SPMIP2: variants seen among roughly 807,000 people sequenced by gnomAD.
The protein encoded by SPMIP2 is protein SPMIP2.
chr4:158,970,955 G>C, the SPMIP2 span, among the ~76,000 whole-genome samples: 1 of 152,134 alleles, frequency 6.6e-6, no homozygotes, highest in African/African-American at 2.4e-5. Context: ...CAATCTCAGA[G>C]ACAAAGAGGA....
chr4:159,062,697 G>GTCTCTCTCTTTCTCTCTCTCTCTCTC, the SPMIP2 span, among the ~76,000 whole-genome samples: 164 of 95,150 alleles, frequency 1.7e-3, 5 homozygotes, highest in African/African-American at 5.3e-3. Context: ...TTGAAACAGG[G>GTCTCTCTCTTTCTCTCTCTCTCTCTC]TCTCTCTCTC....
At chr4:159,080,076 TAGTG>T in the SPMIP2 span, among the ~76,000 whole-genome samples, 2 of 152,172 alleles carry the variant, frequency 1.3e-5, no homozygotes, top group Non-Finnish European at 2.9e-5. Context: ...ATGGGAATAA[TAGTG>T]AGAATCCCAG....
At chr4:158,897,599 TGAG>T in the SPMIP2 span, among the ~76,000 whole-genome samples, 1 of 152,260 alleles carries the variant, frequency 6.6e-6, no homozygotes, top group East Asian at 1.9e-4. Flanking sequence ...CCAGTGATGA[TGAG>T]CTTTTTTTCA....
the SPMIP2 span, among the ~76,000 whole-genome samples, chr4:159,066,785 A>G: frequency 6.6e-6 from 1 of 151,926 alleles, no homozygotes; most frequent in Non-Finnish European, 1.5e-5. Flanking sequence ...AATTTATACC[A>G]GGGGTTGGCA....
At chr4:158,977,958 C>T in the SPMIP2 span, among the ~76,000 whole-genome samples, 1 of 152,092 alleles carries the variant, frequency 6.6e-6, no homozygotes, top group Non-Finnish European at 1.5e-5. Flanking sequence ...TTGTCTTCTG[C>T]TAGCTTTTGA....
chr4:158,982,063 G>T, the SPMIP2 span, among the ~76,000 whole-genome samples: 1 of 151,916 alleles, frequency 6.6e-6, no homozygotes, highest in Non-Finnish European at 1.5e-5. Flanking sequence ...AAAAAGCAGG[G>T]GTTGCAATCC....
chr4:158,926,360 A>G, the SPMIP2 span, among the ~76,000 whole-genome samples: 1 of 151,916 alleles, frequency 6.6e-6, no homozygotes, highest in Non-Finnish European at 1.5e-5. Flanking sequence ...CCTTCGCTGC[A>G]TCCCTAAAGT....
chr4:158,948,651 G>A, the SPMIP2 span, among the ~76,000 whole-genome samples: 2 of 144,298 alleles, frequency 1.4e-5, no homozygotes, highest in African/African-American at 5.1e-5. Flanking sequence ...GTCTTGCTCT[G>A]TCACCCAGGC....
the SPMIP2 span, among the ~76,000 whole-genome samples, chr4:158,953,137 G>A: frequency 6.6e-6 from 1 of 152,178 alleles, no homozygotes; most frequent in African/African-American, 2.4e-5. Flanking sequence ...AAACAACAGG[G>A]AAAATGTCTC....
chr4:158,971,948 C>T, the SPMIP2 span, among the ~76,000 whole-genome samples: 5 of 152,172 alleles, frequency 3.3e-5, no homozygotes, highest in Non-Finnish European at 5.9e-5. Context: ...GAGGCGCAAA[C>T]AAAGATGCAG....
chr4:159,003,030 A>G, the SPMIP2 span, among the ~76,000 whole-genome samples: 7 of 152,304 alleles, frequency 4.6e-5, no homozygotes, highest in African/African-American at 1.7e-4. Context: ...TCACCTCAGG[A>G]AAGCATTGTT....
the SPMIP2 span, among the ~76,000 whole-genome samples, chr4:158,997,657 GT>G: frequency 6.6e-6 from 1 of 151,956 alleles, no homozygotes; most frequent in African/African-American, 2.4e-5. Flanking sequence ...TTTAGTTGTT[GT>G]TGTTATTGTT....
the SPMIP2 span, among the ~76,000 whole-genome samples, chr4:158,990,921 A>G: frequency 6.6e-6 from 1 of 152,262 alleles, no homozygotes; most frequent in East Asian, 1.9e-4. Context: ...TTTTAAAAAG[A>G]GATAGGGTCT....
At chr4:158,974,781 G>A in the SPMIP2 span, among the ~76,000 whole-genome samples, 2 of 152,158 alleles carry the variant, frequency 1.3e-5, no homozygotes, top group African/African-American at 4.8e-5. Context: ...GTGTGCATGT[G>A]TCTTTATAGT....
At chr4:159,004,236 A>C in the SPMIP2 span, among the ~76,000 whole-genome samples, 2 of 148,948 alleles carry the variant, frequency 1.3e-5, no homozygotes, top group Admixed American at 1.3e-4. Flanking sequence ...GCCCAGGCCA[A>C]GCTGAGTCCA....
the SPMIP2 span, among the ~76,000 whole-genome samples, chr4:159,025,972 T>G: frequency 3.9e-5 from 6 of 152,342 alleles, no homozygotes; most frequent in East Asian, 1.2e-3. Context: ...TCATCTTGCA[T>G]TTAATAATTT....
chr4:159,018,291 G>A, the SPMIP2 span, among the ~76,000 whole-genome samples: 3 of 152,256 alleles, frequency 2.0e-5, no homozygotes, highest in South Asian at 2.1e-4. Flanking sequence ...GAAATGATAC[G>A]TCTGCTGCTT....
At chr4:158,933,475 T>C in the SPMIP2 span, among the ~76,000 whole-genome samples, 1 of 152,196 alleles carries the variant, frequency 6.6e-6, no homozygotes, top group Admixed American at 6.5e-5. Flanking sequence ...TTTCCACTTC[T>C]TCATTTGCCC....
At chr4:158,904,608 G>GA in the SPMIP2 span, 2 of 1,350,326 alleles carry the variant, frequency 1.5e-6, no homozygotes, top group South Asian at 1.2e-5. Flanking sequence ...AAGGAGAAAG[G>GA]AATAAGCTCT....
Sources: gnomAD v4.1 joint callset for allele counts (sites outside exome capture counted in the v4.1 genomes callset) on GRCh38, gnomAD v4.1.1 for gene constraint, MANE v1.5 for transcripts, NCBI Gene and HGNC (gene_info 2026-07-23, HGNC 2026-07-21) for gene names.